The following WNK1 variants were observed in gnomAD, a reference collection of about 807,000 sequenced individuals.
WNK1 encodes WNK lysine deficient protein kinase 1, also known as serine/threonine-protein kinase WNK1.
In WNK1, 38 loss-of-function variants were observed where a neutral mutation model predicts 222.8. The observed-to-expected ratio is 0.17, with a 90% CI of 0.13 to 0.22. The LOEUF (loss-of-function observed/expected upper bound fraction) is 0.22. Ranked by LOEUF, WNK1 falls within the 10% of genes least tolerant of loss-of-function variation. WNK1 has a pLI of 1.00. For synonymous variants in WNK1, 1,090 were observed against 1,092.9 expected (o/e 1.00, Z 0.05); for missense variants, 2,348 against 2,918.4 (o/e 0.80, Z 4.50).
At chr12:831,120 T>C (rs1267429365) in intron 4 of WNK1, among the ~76,000 whole-genome samples, 2 of 152,362 alleles carry the variant, frequency 1.3e-5, no homozygotes, top group Admixed American at 6.5e-5. Context: ...AGGTTAACAA[T>C]GTAAAAATAA....
chr12:866,825 A>T (rs1431351903), intron 8 of WNK1, among the ~76,000 whole-genome samples: 1 of 152,216 alleles, frequency 6.6e-6, no homozygotes. Context: ...TGTCAGAATC[A>T]GAAAATTCAT....
At chr12:769,483 TG>T (rs1302006524) in intron 1 of WNK1, among the ~76,000 whole-genome samples, 1 of 152,258 alleles carries the variant, frequency 6.6e-6, no homozygotes. Flanking sequence ...ATTACAGGTG[TG>T]GGCCACAATG....
intron 10 of WNK1, 114 bp from the exon 11 acceptor site, chr12:879,459 T>TTTTTTTTTTTC: frequency 1.7e-6 from 1 of 597,256 alleles, no homozygotes; most frequent in Non-Finnish European, 2.6e-6. Context: ...TTTTTTTTTG[T>TTTTTTTTTTTC]TTGTTTTTTC....
chr12:880,145 A>G, intron 11 of WNK1, 114 bp downstream of exon 11: 1 of 1,015,670 alleles, frequency 9.8e-7, no homozygotes, highest in Non-Finnish European at 1.5e-6. Flanking sequence ...CATGTCAACT[A>G]GAGAAGCAAA....
At chr12:865,074 C>A in intron 8 of WNK1, 1 of 1,478,286 alleles carries the variant, frequency 6.8e-7, no homozygotes, top group Non-Finnish European at 9.0e-7. Flanking sequence ...TTTCACAGTA[C>A]TGTGTTTTTC....
At chr12:791,981 A>G (rs1026915164) in intron 1 of WNK1, among the ~76,000 whole-genome samples, 3 of 152,162 alleles carry the variant, frequency 2.0e-5, no homozygotes, top group African/African-American at 7.2e-5. Flanking sequence ...GATGAGGGGA[A>G]TTGCAGGATT....
intron 4 of WNK1, among the ~76,000 whole-genome samples, chr12:855,437 A>G (rs554336751): frequency 1.4e-3 from 211 of 152,340 alleles, no homozygotes; most frequent in Middle Eastern, 3.4e-3. Context: ...AGCTTTGGAT[A>G]TAACTCTTGT....
chr12:885,008 C>T lies in WNK1; in HGVS notation c.4204C>T (p.Pro1402Ser). Residue 1402 changes from proline (P) to serine (S), a missense_variant, in exon 19 of 28, where the codon CCT becomes TCT. Physicochemically the swap from Pro to Ser is moderately conservative, Grantham distance 74. Transcript: ENST00000315939. ...VVTSGGLPIP[P>S]VSESPVLSSV... Reference sequence around the variant, plus strand: ...AACTTCAGGTGGTCTCCCCATACCACCTGTGTCTGAATCACCAGTACTTTC... The same window carrying T: ...AACTTCAGGTGGTCTCCCCATACCATCTGTGTCTGAATCACCAGTACTTTC... 2 of 1,614,220 alleles carry T rather than the reference C, an allele frequency of 1.2e-6. No individual in the cohort carries two copies. The highest frequency in any genetic ancestry group is 1.7e-6 in the Non-Finnish European group (2 of 1,180,034).
In WNK1 at chr12:754,326, T is replaced by TAAAG. The variant is rs56246627; in HGVS notation, c.759+3_759+6dup. 53 of 1,612,204 alleles carry TAAAG rather than the reference T, an allele frequency of 3.3e-5. No individual in the cohort carries two copies. In the African/African-American group the frequency reaches 6.6e-4, roughly 20 times the overall value. On this transcript the variant is annotated splice_region_variant and intron_variant, in intron 1 of 27. Coordinates refer to ENST00000315939, the MANE Select transcript of WNK1 (RefSeq NM_018979.4). ...GAAGTCGCCTGGTGTGAACTGCAGG[T>TAAAG]AAAGCCCCACCTACTTTATTTGACG...
rs192972142 is a variant in WNK1 at position 760,176 on chromosome 12, T to C, written c.759+5852T>C. On this transcript the variant is annotated intron_variant, in intron 1 of 27. Coordinates refer to ENST00000315939, the MANE Select transcript of WNK1 (RefSeq NM_018979.4). ...CTTTCTGAACTGCTTATTTTCAGAA[T>C]CTGCTAAGATCCTTGTCTCATCTTT... Among the ~76,000 whole-genome samples, 163 of 148,362 alleles carry C rather than the reference T, an allele frequency of 1.1e-3. 8 individuals are homozygous for C. Among genetic ancestry groups the C allele is most frequent in the African/African-American group, 3.8e-3 (157 of 41,310 alleles).
chr12:908,861 G>GGGGGGGGGGGGGCCCA lies in WNK1; in HGVS notation c.*69_*70insGGGGGGGGGGGGCCCA. On this transcript the variant is annotated 3_prime_UTR_variant, in exon 28 of 28. Coordinates refer to ENST00000315939, the MANE Select transcript of WNK1 (RefSeq NM_018979.4). ...ATGCTGAGGGGGTGGGTGGGGGTGG[G>GGGGGGGGGGGGGCCCA]AAGTAGCCTATATACTAACTACTAG... 1 of 491,846 alleles carries GGGGGGGGGGGGGCCCA rather than the reference G, an allele frequency of 2.0e-6. No homozygotes were observed. Among genetic ancestry groups the GGGGGGGGGGGGGCCCA allele is most frequent in the East Asian group, 6.0e-5 (1 of 16,748 alleles). 30.5% of individuals were successfully genotyped at this position (491,846 alleles called of 1,614,324 possible). A position where few individuals can be genotyped will look rare whatever the true frequency, so the allele number is the denominator to read the frequency against.
rs148050355 is a variant in WNK1, at chr12:790,743, T to TTA, written c.760-22896_760-22895dup. 7.2e-3 allele frequency among the ~76,000 whole-genome samples: 1,098 copies of TTA among 152,334 alleles called. 13 individuals are homozygous for TTA. Among genetic ancestry groups the TTA allele is most frequent in the African/African-American group, 0.023 (965 of 41,570 alleles). ...CTCATATCTTAGTGTTACTATGAGT[T>TTA]TATAGCCTGTTATTTTGTTTAGTGT... On this transcript the variant is annotated intron_variant, in intron 1 of 27. Coordinates refer to ENST00000315939, the MANE Select transcript of WNK1 (RefSeq NM_018979.4).
intron 1 of WNK1, among the ~76,000 whole-genome samples, chr12:767,003 C>T (rs1442774446): frequency 1.3e-5 from 2 of 152,050 alleles, no homozygotes; most frequent in Admixed American, 6.6e-5. Flanking sequence ...TCTTGAACTC[C>T]TGACCTCAAG....
chr12:764,972 A>G (rs1051515934), intron 1 of WNK1, among the ~76,000 whole-genome samples: 1 of 147,182 alleles, frequency 6.8e-6, no homozygotes, highest in Non-Finnish European at 1.5e-5. Flanking sequence ...AGTAGCTGGG[A>G]TTACAGGCAC....
At position 801,423 on chromosome 12, in the gene WNK1, TTGTGTGTGTGTGTGTGTG is replaced by T. The variant is rs367875366; in HGVS notation, c.760-12195_760-12178del. ...AACTCCCAATATAACCTTTTTTTCT[TTGTGTGTGTGTGTGTGTG>T]TGTGTGTGTGTGTGTGTGTGTGTAG... On this transcript the variant is annotated intron_variant, in intron 1 of 27. Transcript: ENST00000315939. Among the ~76,000 whole-genome samples the T allele has an allele frequency of 8.9e-3, 1,281 of 143,986 alleles. 6 individuals carry two copies. Among genetic ancestry groups the T allele is most frequent in the Non-Finnish European group, 0.014 (932 of 65,942 alleles). 94.5% of individuals were successfully genotyped at this position (143,986 alleles called of 152,430 possible). A position where few individuals can be genotyped will look rare whatever the true frequency, so the allele number is the denominator to read the frequency against.
chr12:829,485 A>C (rs1331229448), intron 3 of WNK1, among the ~76,000 whole-genome samples: 1 of 152,206 alleles, frequency 6.6e-6, no homozygotes, highest in African/African-American at 2.4e-5. Flanking sequence ...GCCTTCTTAA[A>C]AAGTGAAACT....
intron 8 of WNK1, chr12:869,282 A>C: frequency 1.2e-6 from 1 of 816,520 alleles, no homozygotes. Context: ...TAAAAACAAA[A>C]TGTGAGAGAA....
intron 25 of WNK1, among the ~76,000 whole-genome samples, 176 bp downstream of exon 25, chr12:897,857 C>G (rs1954882546): frequency 6.6e-6 from 1 of 152,160 alleles, no homozygotes; most frequent in African/African-American, 2.4e-5. Flanking sequence ...CTTTTTGAGT[C>G]TATAGAAGTA....
At position 782,069 on chromosome 12, in the gene WNK1, A is replaced by G. The variant is rs149422900; in HGVS notation, c.759+27745A>G. 6.0e-3 allele frequency among the ~76,000 whole-genome samples: 907 copies of G among 152,348 alleles called. 12 individuals are homozygous for G. Among genetic ancestry groups the G allele is most frequent in the African/African-American group, 0.021 (869 of 41,578 alleles). On this transcript the variant is annotated intron_variant, in intron 1 of 27. Coordinates refer to ENST00000315939, the MANE Select transcript of WNK1 (RefSeq NM_018979.4). ...CTTGGCTGGATTATTTTAAGTAACA[A>G]GTAACAAACACTGTGGTAGACTAAC... is the stretch of plus-strand genomic sequence containing the variant.
Sources: allele counts gnomAD v4.1 joint callset (sites outside exome capture counted in the v4.1 genomes callset), GRCh38; gene constraint gnomAD v4.1.1; transcripts MANE v1.5; gene names NCBI Gene and HGNC (gene_info 2026-07-23, HGNC 2026-07-21).